The following CCDC30 variants were observed in gnomAD, a reference collection of about 807,000 sequenced individuals.
CCDC30 encodes coiled-coil domain-containing protein 30.
A neutral mutation model predicts 100.2 loss-of-function variants in CCDC30; 70 were observed. The ratio of observed to expected loss-of-function variants is 0.70; its 90% CI spans 0.58 to 0.85. The LOEUF is 0.85. CCDC30 is among the 40% of genes least tolerant of loss of function. The pLI is 0.00. For synonymous variants in CCDC30, 233 were observed against 269.5 expected, an observed-to-expected ratio of 0.86 and a Z score of 1.33; for missense variants, 652 against 771.2, an observed-to-expected ratio of 0.85 and a Z score of 1.83.
chr1:42,535,232 G>C (rs968199800), intron 6 of CCDC30, among the ~76,000 whole-genome samples: 1 of 152,052 alleles, frequency 6.6e-6, no homozygotes, highest in South Asian at 2.1e-4. Flanking sequence ...TGGTTTAAAG[G>C]TATTGCCTTA....
chr1:42,587,197 A>G (rs1200098395), intron 9 of CCDC30, among the ~76,000 whole-genome samples: 3 of 152,016 alleles, frequency 2.0e-5, no homozygotes, highest in Non-Finnish European at 4.4e-5. Context: ...AGTTCTCACT[A>G]TGTTGCCCAG....
intron 3 of CCDC30, 177 bp from the exon 4 acceptor site, chr1:42,489,981 A>G (rs1644112093): frequency 3.2e-6 from 1 of 312,862 alleles, no homozygotes; most frequent in East Asian, 4.5e-5. Flanking sequence ...TATAGGGTGC[A>G]GTAGGAACTC....
rs1203545910 is a variant in CCDC30, at chr1:42,517,952, T to G, written c.456+19036T>G. Among the ~76,000 whole-genome samples, 5 of 152,316 alleles carry G rather than the reference T, an allele frequency of 3.3e-5. No homozygotes were observed. In the East Asian group the frequency reaches 9.6e-4, roughly 29 times the overall value. On this transcript the variant is annotated intron_variant, in intron 6 of 16. Transcript: ENST00000668663. ...CTTTTTCAAGATTGTTGTGGCTGTT[T>G]GGGGTCCCTTTAGGCTCTGTACAAA...
At chr1:42,570,056 C>T (rs940192935) in intron 7 of CCDC30, among the ~76,000 whole-genome samples, 3 of 152,010 alleles carry the variant, frequency 2.0e-5, no homozygotes, top group African/African-American at 7.3e-5. Flanking sequence ...AGCAAACTAC[C>T]GTGGCACATG....
chr1:42,503,180 C>T (rs1275500074), intron 6 of CCDC30, among the ~76,000 whole-genome samples: 1 of 152,158 alleles, frequency 6.6e-6, no homozygotes, highest in African/African-American at 2.4e-5. Flanking sequence ...CAGTACACCC[C>T]ACCCTTAGTG....
At chr1:42,630,413 C>A (rs1450576912) in intron 11 of CCDC30, among the ~76,000 whole-genome samples, 1 of 149,412 alleles carries the variant, frequency 6.7e-6, no homozygotes, top group African/African-American at 2.5e-5. Flanking sequence ...GATGGAGTCT[C>A]GCTCTGTTGC....
At chr1:42,640,051 CTT>C (rs578242214) in intron 12 of CCDC30, among the ~76,000 whole-genome samples, 8 of 151,930 alleles carry the variant, frequency 5.3e-5, no homozygotes, top group Non-Finnish European at 1.0e-4. Flanking sequence ...ATTAGAACGA[CTT>C]AGCCTAGAGA....
intron 15 of CCDC30, among the ~76,000 whole-genome samples, chr1:42,647,713 G>T (rs924156848): frequency 1.3e-5 from 2 of 152,136 alleles, no homozygotes; most frequent in Non-Finnish European, 2.9e-5. Flanking sequence ...AACAGAAATT[G>T]TGTCAAGTAT....
chr1:42,585,068 A>T (rs572351527), intron 9 of CCDC30, among the ~76,000 whole-genome samples: 1 of 152,282 alleles, frequency 6.6e-6, no homozygotes, highest in East Asian at 1.9e-4. Flanking sequence ...AATTTCTTTA[A>T]CAGATATAGG....
chr1:42,586,170 A>C (rs1227154703), intron 9 of CCDC30, among the ~76,000 whole-genome samples: 4 of 152,240 alleles, frequency 2.6e-5, no homozygotes, highest in Admixed American at 6.5e-5. Flanking sequence ...TAAATAGACA[A>C]TAGTATGGAG....
At chr1:42,581,599 C>A in intron 9 of CCDC30, 85 bp downstream of exon 13, 1 of 1,287,264 alleles carries the variant, frequency 7.8e-7, no homozygotes, top group Non-Finnish European at 1.1e-6. Context: ...AACAGAATAT[C>A]AGAGAGTATT....
chr1:42,458,591 T>G (rs149239198), upstream of CCDC30, among the ~76,000 whole-genome samples: 47 of 152,326 alleles, frequency 3.1e-4, no homozygotes, highest in Admixed American at 1.2e-3. Context: ...TAGTGATAAA[T>G]GCTAAGGAGA....
the CCDC30 span, among the ~76,000 whole-genome samples, chr1:42,458,186 C>G: frequency 6.6e-6 from 1 of 152,000 alleles, no homozygotes; most frequent in African/African-American, 2.4e-5. Flanking sequence ...AGCTAAGGGA[C>G]ACATAAGTAG....
intron 6 of CCDC30, among the ~76,000 whole-genome samples, chr1:42,502,645 A>G (rs1215466178): frequency 6.6e-6 from 1 of 152,118 alleles, no homozygotes; most frequent in African/African-American, 2.4e-5. Context: ...TTATCCCCCA[A>G]GAGAGAAACT....
chr1:42,639,445 A>G (rs1489020409), intron 12 of CCDC30, among the ~76,000 whole-genome samples: 2 of 152,220 alleles, frequency 1.3e-5, no homozygotes, highest in African/African-American at 2.4e-5. Context: ...ACTCAAAACT[A>G]TGAGAAAATG....
chr1:42,539,710 G>A (rs939944446), intron 6 of CCDC30, among the ~76,000 whole-genome samples: 2 of 152,186 alleles, frequency 1.3e-5, no homozygotes, highest in Middle Eastern at 3.4e-3. Context: ...GGACCAAAGC[G>A]TCTTTCTCAG....
chr1:42,595,849 G>A (rs1646277032), intron 10 of CCDC30, among the ~76,000 whole-genome samples: 1 of 152,146 alleles, frequency 6.6e-6, no homozygotes, highest in Non-Finnish European at 1.5e-5. Context: ...AGGCAAATGG[G>A]TGCTAGAAAG....
chr1:42,603,474 C>T (rs1425367513), intron 10 of CCDC30, among the ~76,000 whole-genome samples: 1 of 152,164 alleles, frequency 6.6e-6, no homozygotes, highest in Non-Finnish European at 1.5e-5. Flanking sequence ...TTGACAAAAT[C>T]CAACATCCAT....
chr1:42,638,069 T>TA (rs1314858255), intron 12 of CCDC30, among the ~76,000 whole-genome samples: 2 of 152,230 alleles, frequency 1.3e-5, no homozygotes, highest in African/African-American at 4.8e-5. Context: ...AAGGATACCA[T>TA]AACCATTAAT....
Sources: gnomAD v4.1 joint callset for allele counts (sites outside exome capture counted in the v4.1 genomes callset) on GRCh38, gnomAD v4.1.1 for gene constraint, MANE v1.5 for transcripts, NCBI Gene and HGNC (gene_info 2026-07-23, HGNC 2026-07-21) for gene names.